BCL2: variants seen among roughly 807,000 people sequenced by gnomAD.
The protein encoded by BCL2 is apoptosis regulator Bcl-2.
BCL2 carries 1 observed loss-of-function variant against 14.2 expected under a neutral mutation model. That is an observed-to-expected ratio of 0.07 (90% CI 0.02 to 0.33). The LOEUF (loss-of-function observed/expected upper bound fraction) is 0.33. BCL2 is among the 10% of genes least tolerant of loss of function. The pLI is 0.99. For missense variants in BCL2, 247 were observed against 305.9 expected (o/e 0.81, Z 1.44); for synonymous variants, 151 against 137.2 (o/e 1.10, Z -0.70).
intron 2 of BCL2, among the ~76,000 whole-genome samples, chr18:63,138,602 C>T (rs1055333043): frequency 2.6e-5 from 4 of 152,248 alleles, no homozygotes; most frequent in South Asian, 2.1e-4. Flanking sequence ...TCCAGGCTGG[C>T]GAAGGCTGCT....
rs77202346 is a variant in BCL2, at chr18:63,149,149, C to T, written c.586-20390G>A. ...ATCAAGCTCATTTATGTCAGCAGTC[C>T]ACAACCTTTTTGGCACCAGGGACGT... is the stretch of plus-strand genomic sequence containing the variant. On this transcript the variant is annotated intron_variant, in intron 2 of 2. Transcript: ENST00000333681. This position sits in a 1 kb window ranked among gnomAD's most constrained non-coding sequence, Gnocchi z 4.2. 5.5e-4 allele frequency among the ~76,000 whole-genome samples: 84 copies of T among 152,288 alleles called. 1 individual carries two copies. In the East Asian group the frequency reaches 0.015, roughly 28 times the overall value.
Position 63,124,105 on chromosome 18 carries a change from C to G in BCL2, c.*4520G>C. 4.5e-6 allele frequency: 1 copy of G among 221,468 alleles called. No homozygotes were observed. The highest frequency in any genetic ancestry group is 9.0e-6 in the Non-Finnish European group (1 of 110,582). 13.7% of individuals were successfully genotyped at this position (221,468 alleles called of 1,614,324 possible). A position where few individuals can be genotyped will look rare whatever the true frequency, so the allele number is the denominator to read the frequency against. On this transcript the variant is annotated 3_prime_UTR_variant, in exon 3 of 3. Transcript: ENST00000333681. ...GATTTTCTTTGCATCCAGTGAGATG[C>G]ATATTTCATGATTGTCCAAGGTCAT...
intron 2 of BCL2, among the ~76,000 whole-genome samples, chr18:63,173,275 G>A (rs1210952102): frequency 6.6e-6 from 1 of 151,990 alleles, no homozygotes; most frequent in Non-Finnish European, 1.5e-5. Flanking sequence ...ACTGGCACAT[G>A]TAAGATGAAG....
intron 2 of BCL2, among the ~76,000 whole-genome samples, chr18:63,150,386 C>A (rs1305681979): frequency 6.6e-6 from 1 of 152,244 alleles, no homozygotes; most frequent in Admixed American, 6.5e-5. Context: ...ATACTGTGGG[C>A]CCAGGAGGGC....
At chr18:63,174,100 A>G (rs1226099360) in intron 2 of BCL2, among the ~76,000 whole-genome samples, 1 of 152,216 alleles carries the variant, frequency 6.6e-6, no homozygotes, top group Non-Finnish European at 1.5e-5. Flanking sequence ...CTATAATACT[A>G]TATGTATATA....
At chr18:63,299,966 C>G (rs191288594) in intron 2 of BCL2, among the ~76,000 whole-genome samples, 5 of 152,198 alleles carry the variant, frequency 3.3e-5, no homozygotes, top group East Asian at 1.9e-4. Flanking sequence ...ACTGTCCCCC[C>G]CAAGGCCAGA....
intron 2 of BCL2, among the ~76,000 whole-genome samples, chr18:63,165,926 C>T (rs1002457058): frequency 5.9e-5 from 9 of 152,222 alleles, no homozygotes; most frequent in Admixed American, 5.2e-4. Context: ...AAATCACATG[C>T]CCCAAATGGG....
In BCL2 at chr18:63,304,597, A is replaced by T. The variant is rs542725554; in HGVS notation, c.585+13485T>A. ...TTTTTTTGTTTCACATCCTTTTTAA[A>T]TTTTTTAAACTTTTAAGTTCAGGGG... On this transcript the variant is annotated intron_variant, in intron 2 of 2. Transcript: ENST00000333681. Among the ~76,000 whole-genome samples, 6 of 152,188 alleles carry T rather than the reference A, an allele frequency of 3.9e-5. 1 individual carries two copies. Among genetic ancestry groups the T allele is most frequent in the African/African-American group, 1.4e-4 (6 of 41,536 alleles).
At chr18:63,295,621 G>A (rs926838109) in intron 2 of BCL2, among the ~76,000 whole-genome samples, 16 of 152,094 alleles carry the variant, frequency 1.1e-4, no homozygotes, top group African/African-American at 2.9e-4. Context: ...AGTGCCTGGC[G>A]GGTCAGAAGA....
rs565202848 is a variant in BCL2 at position 63,252,499 on chromosome 18, C to T, written c.585+65583G>A. 1.1e-4 allele frequency among the ~76,000 whole-genome samples: 16 copies of T among 152,214 alleles called. No individual in the cohort carries two copies. The East Asian group carries it at 1.7e-3, about 17-fold the overall frequency. On this transcript the variant is annotated intron_variant, in intron 2 of 2. Coordinates refer to ENST00000333681, the MANE Select transcript of BCL2 (RefSeq NM_000633.3). ...ATTCCCACATGCTGTGGGAGGAACCCGGTGGGAGGCAATTGAATTATGGTG... is the reference window on the plus strand; with the variant it reads ...ATTCCCACATGCTGTGGGAGGAACCTGGTGGGAGGCAATTGAATTATGGTG...
chr18:63,125,570 T>A lies in BCL2; in HGVS notation c.*3055A>T, dbSNP rs1351192280. 3 of 214,264 alleles carry A rather than the reference T, an allele frequency of 1.4e-5. No homozygotes were observed. Among genetic ancestry groups the A allele is most frequent in the African/African-American group, 2.3e-5 (1 of 44,314 alleles). The allele number at this position is 214,264 out of a possible 1,614,324, so 13.3% of individuals were successfully genotyped here. On this transcript the variant is annotated 3_prime_UTR_variant, in exon 3 of 3. Coordinates refer to ENST00000333681, the MANE Select transcript of BCL2 (RefSeq NM_000633.3). The stretch of plus-strand genomic sequence containing the variant: ...GTAAAGAGGAGTACATACAGAGGAC[T>A]GTTTTTTCATTCATAAAGAGCAGTT...
chr18:63,216,249 T>A (rs1408166180), intron 2 of BCL2, among the ~76,000 whole-genome samples: 1 of 152,036 alleles, frequency 6.6e-6, no homozygotes, highest in Non-Finnish European at 1.5e-5. Context: ...ACAGTGGAAG[T>A]GGAAGTGGAT....
At chr18:63,163,367 T>C (rs1914969906) in intron 2 of BCL2, among the ~76,000 whole-genome samples, 1 of 152,180 alleles carries the variant, frequency 6.6e-6, no homozygotes, top group African/African-American at 2.4e-5. Flanking sequence ...AATATATCAC[T>C]TCTTATATTT....
chr18:63,165,691 A>G (rs1228953338), intron 2 of BCL2, among the ~76,000 whole-genome samples: 2 of 152,232 alleles, frequency 1.3e-5, no homozygotes, highest in Non-Finnish European at 2.9e-5. Context: ...CTGTGCAACA[A>G]ACATTTACAA....
At chr18:63,257,128 A>AG (rs199909884) in intron 2 of BCL2, among the ~76,000 whole-genome samples, 13 of 152,246 alleles carry the variant, frequency 8.5e-5, no homozygotes, top group East Asian at 5.8e-4. Flanking sequence ...CAAAATAAAA[A>AG]GTTAGCATCT....
chr18:63,162,288 T>C (rs1914939564), intron 2 of BCL2, among the ~76,000 whole-genome samples: 1 of 152,170 alleles, frequency 6.6e-6, no homozygotes, highest in South Asian at 2.1e-4. Flanking sequence ...AAAGTTCTTT[T>C]TCTGAGCCAG....
intron 2 of BCL2, chr18:63,314,254 A>G (rs1459398546): frequency 6.6e-6 from 1 of 152,220 alleles, no homozygotes; most frequent in African/African-American, 2.4e-5. Flanking sequence ...CTTGCTGCCA[A>G]AATTGGCCAT....
chr18:63,205,554 C>T (rs1909813525), intron 2 of BCL2, among the ~76,000 whole-genome samples: 1 of 152,176 alleles, frequency 6.6e-6, no homozygotes, highest in South Asian at 2.1e-4. Flanking sequence ...GAGCATTCCT[C>T]ATGATCTGGG....
chr18:63,247,204 T>C (rs1911173954), intron 2 of BCL2, among the ~76,000 whole-genome samples: 1 of 151,940 alleles, frequency 6.6e-6, no homozygotes, highest in Non-Finnish European at 1.5e-5. Flanking sequence ...AACAGGATTT[T>C]TTTTTTTTTT....
Sources: gnomAD v4.1 joint callset for allele counts (sites outside exome capture counted in the v4.1 genomes callset) on GRCh38, gnomAD v4.1.1 for gene constraint, Gnocchi (gnomAD v3.1) non-coding constraint, MANE v1.5 for transcripts, NCBI Gene and HGNC (gene_info 2026-07-23, HGNC 2026-07-21) for gene names.